Variants in RERE observed in about 807,000 individuals in gnomAD.
RERE encodes arginine-glutamic acid dipeptide repeats protein.
RERE carries 40 observed loss-of-function variants against 146.1 expected under a neutral mutation model. The observed-to-expected ratio is 0.27, with a 90% CI of 0.21 to 0.36. The LOEUF (loss-of-function observed/expected upper bound fraction) is 0.36. Among genes scored for constraint, RERE ranks in the 10% least tolerant of loss-of-function variants. The pLI is 1.00. For synonymous variants in RERE, 1,003 were observed against 866.0 expected, an observed-to-expected ratio of 1.16 and a Z score of -2.78; for missense variants, 1,933 against 2,138.7, an observed-to-expected ratio of 0.90 and a Z score of 1.90.
At chr1:8,707,629 T>C (rs1209191891) in intron 1 of RERE, among the ~76,000 whole-genome samples, 11 of 152,202 alleles carry the variant, frequency 7.2e-5, no homozygotes, top group Non-Finnish European at 1.6e-4. Flanking sequence ...ACAATCAACA[T>C]TCTTTCCTAT....
chr1:8,479,821 G>C (rs1478027328), intron 10 of RERE, among the ~76,000 whole-genome samples: 1 of 152,082 alleles, frequency 6.6e-6, no homozygotes, highest in Non-Finnish European at 1.5e-5. Flanking sequence ...GTAGCCACAG[G>C]AAACAAATAC....
intron 11 of RERE, among the ~76,000 whole-genome samples, chr1:8,454,269 G>C (rs944638128): frequency 3.9e-5 from 6 of 152,220 alleles, no homozygotes; most frequent in Non-Finnish European, 8.8e-5. Flanking sequence ...AGGACACTGT[G>C]TGTGTGTGTA....
intron 1 of RERE, among the ~76,000 whole-genome samples, chr1:8,744,124 A>G (rs1245422953): frequency 1.3e-5 from 2 of 152,208 alleles, no homozygotes; most frequent in Non-Finnish European, 2.9e-5. Flanking sequence ...GGGAGTGGAC[A>G]TACTTTTAAG....
chr1:8,584,482 G>C (rs1223997672), intron 4 of RERE, among the ~76,000 whole-genome samples: 1 of 152,132 alleles, frequency 6.6e-6, no homozygotes, highest in African/African-American at 2.4e-5. Context: ...AGGAATTTGA[G>C]GTTACAGTGA....
At chr1:8,490,860 C>G (rs1644971109) in intron 10 of RERE, among the ~76,000 whole-genome samples, 1 of 150,550 alleles carries the variant, frequency 6.6e-6, no homozygotes. Context: ...TGTTTTGTAT[C>G]TTGACATTAT....
At chr1:8,400,222 A>ATATGTGTGTATGTGTGTGTGTG (rs368219880) in intron 12 of RERE, among the ~76,000 whole-genome samples, 1 of 140,062 alleles carries the variant, frequency 7.1e-6, no homozygotes, top group Non-Finnish European at 1.5e-5. Flanking sequence ...CCTGTGTCAT[A>ATATGTGTGTATGTGTGTGTGTG]TGTGTGTGTG....
At chr1:8,395,382 G>A (rs1031166560) in intron 12 of RERE, among the ~76,000 whole-genome samples, 3 of 151,864 alleles carry the variant, frequency 2.0e-5, no homozygotes, top group Non-Finnish European at 2.9e-5. Context: ...GGCTGAGGCA[G>A]GAGAATAGCT....
chr1:8,660,536 G>A (rs1161045106), intron 1 of RERE, among the ~76,000 whole-genome samples: 1 of 152,184 alleles, frequency 6.6e-6, no homozygotes, highest in African/African-American at 2.4e-5. Context: ...TCTGCACAAG[G>A]CCACGCAGCC....
intron 2 of RERE, among the ~76,000 whole-genome samples, chr1:8,628,898 C>A (rs1459178357): frequency 1.3e-5 from 2 of 152,114 alleles, no homozygotes; most frequent in Non-Finnish European, 1.5e-5. Context: ...CAATGATTCT[C>A]AATCTGAAAA....
intron 2 of RERE, among the ~76,000 whole-genome samples, chr1:8,625,231 T>C (rs1646960711): frequency 6.6e-6 from 1 of 152,136 alleles, no homozygotes; most frequent in Non-Finnish European, 1.5e-5. Context: ...AGTGTCAGGA[T>C]TACAGGCATG....
chr1:8,653,700 A>C (rs1172961179), intron 2 of RERE, among the ~76,000 whole-genome samples: 1 of 151,622 alleles, frequency 6.6e-6, no homozygotes, highest in African/African-American at 2.4e-5. Flanking sequence ...ACCTCAAAAA[A>C]AAAAAAAAAA....
chr1:8,357,979 C>CT (rs1306043812), intron 20 of RERE, among the ~76,000 whole-genome samples: 1 of 152,280 alleles, frequency 6.6e-6, no homozygotes, highest in African/African-American at 2.4e-5. Context: ...CTGCAGCTGT[C>CT]TGAGGCCTTG....
intron 12 of RERE, among the ~76,000 whole-genome samples, chr1:8,398,112 G>A (rs1643116486): frequency 6.6e-6 from 1 of 152,214 alleles, no homozygotes. Context: ...ATTAGAGAAA[G>A]ATTAATGAAG....
chr1:8,637,259 C>T (rs929468943), intron 2 of RERE, among the ~76,000 whole-genome samples: 5 of 152,124 alleles, frequency 3.3e-5, no homozygotes, highest in African/African-American at 7.2e-5. Context: ...AAGTTCCTAG[C>T]ACGACTCTAC....
rs547345482 is a variant in RERE, at chr1:8,581,888, A to G, written c.523-24365T>C. 5.9e-5 allele frequency among the ~76,000 whole-genome samples: 9 copies of G among 152,292 alleles called. No individual in the cohort carries two copies. The East Asian group carries it at 1.7e-3, about 29-fold the overall frequency. On this transcript the variant is annotated intron_variant, in intron 4 of 22. Coordinates refer to ENST00000400908, the MANE Select transcript of RERE (RefSeq NM_001042681.2). ...TTTACATGAAACAAAATATTGGTGT[A>G]ATAGGTACATAGAGATTTTTTTTCC...
chr1:8,661,931 C>G (rs894617226), intron 1 of RERE, among the ~76,000 whole-genome samples: 1 of 152,200 alleles, frequency 6.6e-6, no homozygotes, highest in African/African-American at 2.4e-5. Context: ...TTATTGCTCA[C>G]GCTTGAGTGC....
At chr1:8,744,660 C>T (rs1463888994) in intron 1 of RERE, among the ~76,000 whole-genome samples, 2 of 151,918 alleles carry the variant, frequency 1.3e-5, no homozygotes, top group African/African-American at 2.4e-5. Context: ...CAAACTTTAG[C>T]GATAAAATAA....
rs199738689 is a variant in RERE, at chr1:8,531,007, T to TTCTATCTATCTA, written c.830+10195_830+10206dup. On this transcript the variant is annotated intron_variant, in intron 7 of 22. Coordinates refer to ENST00000400908, the MANE Select transcript of RERE (RefSeq NM_001042681.2). ...CGCCCGGCCTGAACTGAACTGAGTT[T>TTCTATCTATCTA]TCTATCTATCTATCTATCTATCTAT... is the stretch of plus-strand genomic sequence containing the variant. Among the ~76,000 whole-genome samples, 189 of 140,348 alleles carry TTCTATCTATCTA rather than the reference T, an allele frequency of 1.3e-3. 1 individual carries two copies. The highest frequency in any genetic ancestry group is 2.6e-3 in the East Asian group (12 of 4,688). 92.1% of individuals were successfully genotyped at this position (140,348 alleles called of 152,430 possible).
chr1:8,448,042 T>C (rs755010262), intron 11 of RERE, among the ~76,000 whole-genome samples: 1 of 152,164 alleles, frequency 6.6e-6, no homozygotes, highest in South Asian at 2.1e-4. Flanking sequence ...GTGTGCCCCA[T>C]GGAACTTCCC....
Sources: gnomAD v4.1 joint callset for allele counts (sites outside exome capture counted in the v4.1 genomes callset) on GRCh38, gnomAD v4.1.1 for gene constraint, MANE v1.5 for transcripts, NCBI Gene and HGNC (gene_info 2026-07-23, HGNC 2026-07-21) for gene names.